The following ST6GAL2 variants were observed in gnomAD, a reference collection of about 807,000 sequenced individuals.
ST6GAL2 encodes the protein ST6 beta-galactoside alpha-2,6-sialyltransferase 2, also known as beta-galactoside alpha-2,6-sialyltransferase 2.
In ST6GAL2, 24 loss-of-function variants were observed where a neutral mutation model predicts 37.5. The ratio of observed to expected loss-of-function variants is 0.64; its 90% confidence interval spans 0.46 to 0.90. The LOEUF is 0.90. Among genes scored for constraint, ST6GAL2 ranks in the 40% least tolerant of loss-of-function variants. ST6GAL2 has a pLI of 0.00. For missense variants in ST6GAL2, 715 were observed against 712.7 expected (o/e 1.00, Z -0.04); for synonymous variants, 306 against 295.1 (o/e 1.04, Z -0.38).
At chr2:106,880,073 C>T (rs1393696207) in intron 1 of ST6GAL2, among the ~76,000 whole-genome samples, 1 of 150,882 alleles carries the variant, frequency 6.6e-6, no homozygotes, top group African/African-American at 2.4e-5. Flanking sequence ...CATATCTATA[C>T]ATATATTGAC....
rs557600338 is a variant in ST6GAL2 at position 106,864,105 on chromosome 2, C to T, written c.-57-20071G>A. Among the ~76,000 whole-genome samples, 30 of 152,306 alleles carry T rather than the reference C, an allele frequency of 2.0e-4. 1 individual carries two copies. In the Middle Eastern group the frequency reaches 0.027, roughly 138 times the overall value. The stretch of plus-strand genomic sequence containing the variant: ...AGAGGAGGCTGGGAAGATGGGCAAC[C>T]GCATTCCACAGAAACAATGTTCAAC... On this transcript the variant is annotated intron_variant, in intron 1 of 5. Coordinates refer to ENST00000409382, the MANE Select transcript of ST6GAL2 (RefSeq NM_001142351.2).
chr2:106,861,637 T>C (rs1181036573), intron 1 of ST6GAL2, among the ~76,000 whole-genome samples: 1 of 144,296 alleles, frequency 6.9e-6, no homozygotes, highest in African/African-American at 2.5e-5. Context: ...TCTTTTTTTC[T>C]TTTTTTTTTT....
rs368936438 is a variant in ST6GAL2 at position 106,810,620 on chromosome 2, G to C, written c.1319-3671C>G. On this transcript the variant is annotated intron_variant, in intron 5 of 5. Coordinates refer to ENST00000409382, the MANE Select transcript of ST6GAL2 (RefSeq NM_001142351.2). Reference sequence around the variant, plus strand: ...CCACTGATACGGAATTGGTATGGAGGCATCTTCCAAAAAAAAGGAAAAAAA... The same window carrying C: ...CCACTGATACGGAATTGGTATGGAGCCATCTTCCAAAAAAAAGGAAAAAAA... 1.1e-3 allele frequency among the ~76,000 whole-genome samples: 174 copies of C among 152,244 alleles called. 1 individual carries two copies. The highest frequency in any genetic ancestry group is 4.0e-3 in the African/African-American group (167 of 41,542).
At chr2:106,865,909 T>C (rs1678007067) in intron 1 of ST6GAL2, among the ~76,000 whole-genome samples, 1 of 152,268 alleles carries the variant, frequency 6.6e-6, no homozygotes, top group Non-Finnish European at 1.5e-5. Flanking sequence ...TTGTGACTTA[T>C]AAAATTTTGT....
intron 1 of ST6GAL2, among the ~76,000 whole-genome samples, chr2:106,878,524 G>A (rs1678602741): frequency 6.6e-6 from 1 of 152,126 alleles, no homozygotes; most frequent in African/African-American, 2.4e-5. Flanking sequence ...CATTTTTGGA[G>A]GCCAAGGTAG....
chr2:106,836,315 T>C (rs2104489194), intron 2 of ST6GAL2, among the ~76,000 whole-genome samples: 1 of 152,264 alleles, frequency 6.6e-6, no homozygotes, highest in South Asian at 2.1e-4. Context: ...ACTGTTGAAT[T>C]GAGAGAGCTA....
chr2:106,810,677 C>G (rs896271647), intron 5 of ST6GAL2, among the ~76,000 whole-genome samples: 7 of 148,326 alleles, frequency 4.7e-5, no homozygotes, highest in Admixed American at 1.3e-4. Flanking sequence ...GTAGGGCGTG[C>G]AGTGGCTCAC....
intron 1 of ST6GAL2, among the ~76,000 whole-genome samples, chr2:106,879,971 TATTATATACACATATAGACCA>T (rs1384887177): frequency 6.7e-6 from 1 of 148,730 alleles, no homozygotes; most frequent in Non-Finnish European, 1.5e-5. Context: ...AATTACATAC[TATTATATACACATATAGACCA>T]ATTATATACT....
chr2:106,806,722 C>T lies in ST6GAL2; in HGVS notation c.1546G>A (p.Ala516Thr), dbSNP rs781622034. The change falls in exon 6 of 6, where the codon GCG becomes ACG. Residue 516 changes from alanine (A) to threonine (T), a missense_variant. Around this residue, in one of 3 missense-constraint regions of ST6GAL2, gnomAD observed 198 missense variants for 203.6 expected, o/e 0.97. Coordinates refer to ENST00000409382, the MANE Select transcript of ST6GAL2 (RefSeq NM_001142351.2). Reference protein sequence around the residue: ...KGKVVLPGFQAVHCPAPSPVI... With the variant: ...KGKVVLPGFQTVHCPAPSPVI... Reference sequence around the variant, plus strand: ...GGACTTGGTGCAGGGCAGTGCACCGCCTGGAAGCCGGGAAGAACCACCTTG... The same window carrying T: ...GGACTTGGTGCAGGGCAGTGCACCGTCTGGAAGCCGGGAAGAACCACCTTG... 5 of 1,614,014 alleles carry T rather than the reference C, an allele frequency of 3.1e-6. No homozygotes were observed. The South Asian group carries it at 4.4e-5, about 14-fold the overall frequency.
At chr2:106,830,639 A>T (rs35890325) in intron 4 of ST6GAL2, among the ~76,000 whole-genome samples, 36,826 of 152,122 alleles carry the variant, frequency 0.24, 5,365 homozygotes, top group East Asian at 0.49. Flanking sequence ...TGTGTTCTAA[A>T]AAAACACTAT....
At chr2:106,838,626 G>C (rs1027992149) in intron 2 of ST6GAL2, among the ~76,000 whole-genome samples, 53 of 152,208 alleles carry the variant, frequency 3.5e-4, no homozygotes, top group African/African-American at 1.3e-3. Context: ...CCCAGACTGG[G>C]GTTTGAATCC....
intron 2 of ST6GAL2, among the ~76,000 whole-genome samples, chr2:106,840,406 T>C (rs1389934136): frequency 6.6e-6 from 1 of 152,214 alleles, no homozygotes; most frequent in Non-Finnish European, 1.5e-5. Flanking sequence ...GGTCGGCACC[T>C]GGCATGTACA....
At chr2:106,829,959 T>G in intron 5 of ST6GAL2, 107 bp downstream of exon 5, 1 of 1,051,580 alleles carries the variant, frequency 9.5e-7, no homozygotes, top group South Asian at 1.5e-5. Context: ...TTCCAGGCAT[T>G]TCAGATAAGG....
Position 106,843,186 on chromosome 2 carries a change from C to G in ST6GAL2, c.792G>C (p.Leu264=). ...CAGAAAAGGGCGCCTCGGTGCCGTC[C>G]AGCGTCCGCACGCGCGCGCGGCTCC... ...QLRSRARVRT[L]DGTEAPFSAL... Residue 264 remains leucine, a synonymous_variant, in exon 2 of 6, where the codon CTG becomes CTC. Transcript: ENST00000409382. The G allele has an allele frequency of 4.5e-6, 7 of 1,551,038 alleles. No homozygotes were observed. Among genetic ancestry groups the G allele is most frequent in the Non-Finnish European group, 6.1e-6 (7 of 1,148,940 alleles).
chr2:106,842,130 G>A (rs1404985713), intron 2 of ST6GAL2, among the ~76,000 whole-genome samples: 2 of 152,220 alleles, frequency 1.3e-5, no homozygotes. Context: ...CAGAAACTCT[G>A]CCTGAGTTTC....
Position 106,806,941 on chromosome 2 carries a change from T to G in ST6GAL2, c.1327A>C (p.Ile443Leu), listed in dbSNP as rs781048303. ...PPSSGFIGILIMMSMCREVHV... is the reference protein window; with the variant it reads ...PPSSGFIGILLMMSMCREVHV... ...ACCTCTCTGCACATGGACATCATTA[T>G]GAGGATTCCTGACATGAAAACCAAA... The change falls in exon 6 of 6, where the codon ATA (isoleucine) becomes CTA (leucine). Residue 443 changes from isoleucine to leucine, a missense_variant. By Grantham distance (5) the Ile-to-Leu change is conservative (BLOSUM62 2). Transcript: ENST00000409382. The G allele has an allele frequency of 1.2e-5, 20 of 1,605,374 alleles. No individual in the cohort carries two copies. In the South Asian group the frequency reaches 2.1e-4, roughly 17 times the overall value.
chr2:106,841,014 G>GCTGTT (rs1455822466), intron 2 of ST6GAL2, among the ~76,000 whole-genome samples: 2 of 152,212 alleles, frequency 1.3e-5, no homozygotes, highest in African/African-American at 4.8e-5. Context: ...TAAATTGCAG[G>GCTGTT]CTGCTCTGCT....
At chr2:106,878,480 G>A (rs1678600959) in intron 1 of ST6GAL2, among the ~76,000 whole-genome samples, 1 of 151,960 alleles carries the variant, frequency 6.6e-6, no homozygotes, top group African/African-American at 2.4e-5. Flanking sequence ...ACAAAGACCA[G>A]GCTGAGCGTG....
At chr2:106,813,429 T>G (rs1168293988) in intron 5 of ST6GAL2, among the ~76,000 whole-genome samples, 2 of 152,226 alleles carry the variant, frequency 1.3e-5, no homozygotes, top group Non-Finnish European at 2.9e-5. Flanking sequence ...GGGCACTTAT[T>G]TATTTGCTCC....
Sources: gnomAD v4.1 joint callset for allele counts (sites outside exome capture counted in the v4.1 genomes callset) on GRCh38, gnomAD v4.1.1 for gene constraint, gnomAD v4.1.1 regional missense constraint, MANE v1.5 for transcripts, NCBI Gene and HGNC (gene_info 2026-07-23, HGNC 2026-07-21) for gene names.